CCSER1: variants seen among roughly 807,000 people sequenced by gnomAD.
CCSER1 encodes serine-rich coiled-coil domain-containing protein 1.
A neutral mutation model predicts 82.0 loss-of-function variants in CCSER1; 41 were observed. That is an observed-to-expected ratio of 0.50 (90% CI 0.39 to 0.65). The LOEUF (loss-of-function observed/expected upper bound fraction) is 0.65. Among genes scored for constraint, CCSER1 ranks in the 30% least tolerant of loss-of-function variants. The pLI is 0.00. For synonymous variants in CCSER1, 414 were observed against 383.9 expected, an observed-to-expected ratio of 1.08 and a Z score of -0.92; for missense variants, 1,119 against 1,064.2, an observed-to-expected ratio of 1.05 and a Z score of -0.72.
intron 3 of CCSER1, among the ~76,000 whole-genome samples, chr4:90,364,951 T>A (rs1295699812): frequency 3.9e-5 from 6 of 151,966 alleles, no homozygotes; most frequent in Non-Finnish European, 8.8e-5. Context: ...CATGGTGTGA[T>A]AAAGAACCTA....
At chr4:91,049,464 G>C (rs1037621424) in intron 9 of CCSER1, among the ~76,000 whole-genome samples, 1 of 152,202 alleles carries the variant, frequency 6.6e-6, no homozygotes, top group Non-Finnish European at 1.5e-5. Flanking sequence ...GTTGAAGCTA[G>C]TGGAGAAACA....
intron 10 of CCSER1, among the ~76,000 whole-genome samples, chr4:91,113,862 T>C (rs1258863017): frequency 6.6e-6 from 1 of 151,956 alleles, no homozygotes; most frequent in Non-Finnish European, 1.5e-5. Flanking sequence ...TTTTTTTTTT[T>C]TCTTTTTTGA....
intron 10 of CCSER1, among the ~76,000 whole-genome samples, chr4:91,380,782 T>C (rs969473186): frequency 6.6e-6 from 1 of 152,230 alleles, no homozygotes; most frequent in African/African-American, 2.4e-5. Context: ...AATTTGATCC[T>C]GTCATTATGA....
chr4:91,301,277 T>C (rs1454075154), intron 10 of CCSER1, among the ~76,000 whole-genome samples: 1 of 151,800 alleles, frequency 6.6e-6, no homozygotes, highest in African/African-American at 2.4e-5. Flanking sequence ...TAATACATTG[T>C]CTACTGAAAT....
chr4:90,627,968 A>G, intron 5 of CCSER1, 57 bp from the exon 6 acceptor site: 1 of 1,352,258 alleles, frequency 7.4e-7, no homozygotes, highest in East Asian at 2.3e-5. Context: ...CAACTTGGGA[A>G]ATACTGCTCT....
chr4:90,191,070 T>A (rs747760540), intron 1 of CCSER1, among the ~76,000 whole-genome samples: 2 of 152,064 alleles, frequency 1.3e-5, no homozygotes, highest in Non-Finnish European at 2.9e-5. Flanking sequence ...TATAACTTCT[T>A]GTTTCTCTTT....
intron 10 of CCSER1, among the ~76,000 whole-genome samples, chr4:91,404,729 C>T (rs1012584617): frequency 4.6e-5 from 7 of 152,038 alleles, no homozygotes; most frequent in African/African-American, 1.2e-4. Flanking sequence ...TAGTCCCGAG[C>T]TCTAGTTTGA....
At chr4:90,649,038 C>G (rs1728237336) in intron 6 of CCSER1, among the ~76,000 whole-genome samples, 1 of 152,172 alleles carries the variant, frequency 6.6e-6, no homozygotes, top group Non-Finnish European at 1.5e-5. Context: ...GATAAGAAAA[C>G]AGGGGCAATG....
chr4:90,309,440 C>T lies in CCSER1; in HGVS notation c.1156C>T (p.Leu386=), dbSNP rs1347586489. 6 of 1,613,688 alleles carry T rather than the reference C, an allele frequency of 3.7e-6. No homozygotes were observed. Among genetic ancestry groups the T allele is most frequent in the Non-Finnish European group, 5.1e-6 (6 of 1,179,778 alleles). Residue 386 remains leucine, a synonymous_variant, in exon 2 of 11, where the codon CTG becomes TTG. Transcript: ENST00000509176. ...AGGGTTACAAAATGGTGAAACAATGCTGGGGACAAACTCCCCAAGGAAACT... is the reference window on the plus strand; with the variant it reads ...AGGGTTACAAAATGGTGAAACAATGTTGGGGACAAACTCCCCAAGGAAACT... ...NIGLQNGETM[L]GTNSPRKLGF...
At chr4:91,054,945 G>A (rs892797379) in intron 9 of CCSER1, among the ~76,000 whole-genome samples, 1 of 152,044 alleles carries the variant, frequency 6.6e-6, no homozygotes, top group Non-Finnish European at 1.5e-5. Flanking sequence ...GCCAATCTCT[G>A]TCATTCTATC....
chr4:90,344,592 A>C, intron 3 of CCSER1, among the ~76,000 whole-genome samples: 1 of 152,258 alleles, frequency 6.6e-6, no homozygotes, highest in East Asian at 1.9e-4. Context: ...GTAAAGTTGA[A>C]AATTTATAAG....
At chr4:90,651,689 A>T (rs147474961) in intron 6 of CCSER1, among the ~76,000 whole-genome samples, 3 of 21,290 alleles carry the variant, frequency 1.4e-4, no homozygotes, top group African/African-American at 2.4e-4. Context: ...AAGTATAATT[A>T]AAAAAAAAAA....
At chr4:90,559,416 G>A (rs982723463) in intron 5 of CCSER1, among the ~76,000 whole-genome samples, 3 of 152,156 alleles carry the variant, frequency 2.0e-5, no homozygotes, top group Admixed American at 1.3e-4. Flanking sequence ...CCCATGGGGA[G>A]CTCTAGGACA....
chr4:90,383,081 G>A (rs1749468554), intron 3 of CCSER1, among the ~76,000 whole-genome samples: 1 of 152,032 alleles, frequency 6.6e-6, no homozygotes, highest in Non-Finnish European at 1.5e-5. Context: ...AATAATATGA[G>A]ATCACATGGG....
At chr4:91,344,265 T>C (rs1030507258) in intron 10 of CCSER1, among the ~76,000 whole-genome samples, 2 of 152,146 alleles carry the variant, frequency 1.3e-5, no homozygotes, top group Admixed American at 6.6e-5. Flanking sequence ...TGACACCAGT[T>C]CTTGCCAGTG....
chr4:91,372,157 C>A (rs889154831), intron 10 of CCSER1, among the ~76,000 whole-genome samples: 1 of 152,078 alleles, frequency 6.6e-6, no homozygotes, highest in African/African-American at 2.4e-5. Context: ...TGTAATCATG[C>A]CTCTTTATAT....
chr4:91,557,213 T>C (rs1306039972), intron 10 of CCSER1, among the ~76,000 whole-genome samples: 3 of 151,372 alleles, frequency 2.0e-5, no homozygotes, highest in African/African-American at 7.3e-5. Flanking sequence ...TAGGAGCTCT[T>C]GGTATCCACG....
chr4:90,554,840 C>T (rs1777924380), intron 5 of CCSER1, among the ~76,000 whole-genome samples: 1 of 152,182 alleles, frequency 6.6e-6, no homozygotes, highest in African/African-American at 2.4e-5. Flanking sequence ...GTTTATGCTA[C>T]TGATCTTTTT....
chr4:90,487,867 C>G (rs749750933), intron 5 of CCSER1, among the ~76,000 whole-genome samples: 1 of 152,096 alleles, frequency 6.6e-6, no homozygotes, highest in Non-Finnish European at 1.5e-5. Context: ...TTCTCCATCT[C>G]TTGACCTAGT....
Sources: allele counts gnomAD v4.1 joint callset (sites outside exome capture counted in the v4.1 genomes callset), GRCh38; gene constraint gnomAD v4.1.1; transcripts MANE v1.5; gene names NCBI Gene and HGNC (gene_info 2026-07-23, HGNC 2026-07-21).